The following CDH2 variants were observed in gnomAD, a reference collection of about 807,000 sequenced individuals.
CDH2 encodes cadherin-2.
CDH2 carries 17 observed loss-of-function variants against 92.0 expected under a neutral mutation model. The ratio of observed to expected loss-of-function variants is 0.18; its 90% CI spans 0.13 to 0.28. The LOEUF is 0.28. Ranked by LOEUF, CDH2 falls within the 10% of genes least tolerant of loss-of-function variation. The pLI, the probability that CDH2 is intolerant of heterozygous loss-of-function variation, is 1.00. For synonymous variants in CDH2, 419 were observed against 415.9 expected, an observed-to-expected ratio of 1.01 and a Z score of -0.09; for missense variants, 862 against 1,133.1, an observed-to-expected ratio of 0.76 and a Z score of 3.44.
Position 27,951,161 on chromosome 18 carries a change from CTTT to C in CDH2, c.*989_*991del, listed in dbSNP as rs17497862. ...TCAGGCCACCCCTTTCTTTCCTTTC[CTTT>C]TTTTTTTTTTTTGGTACAAATTATG... On this transcript the variant is annotated 3_prime_UTR_variant, in exon 16 of 16. Coordinates refer to ENST00000269141, the MANE Select transcript of CDH2 (RefSeq NM_001792.5). The C allele has an allele frequency of 2.9e-4, 37 of 128,342 alleles. No individual in the cohort carries two copies. The highest frequency in any genetic ancestry group is 4.8e-4 in the Non-Finnish European group (29 of 59,998). The allele number at this position is 128,342 out of a possible 1,614,324, so 8.0% of individuals were successfully genotyped here.
intron 2 of CDH2, among the ~76,000 whole-genome samples, chr18:28,025,159 G>A (rs992603398): frequency 6.6e-6 from 1 of 152,090 alleles, no homozygotes; most frequent in Non-Finnish European, 1.5e-5. Context: ...GAGATGATCT[G>A]GGGAAGTGTT....
At chr18:27,950,392 T>A (rs1206794812), downstream of CDH2, among the ~76,000 whole-genome samples, 1 of 152,142 alleles carries the variant, frequency 6.6e-6, no homozygotes, top group African/African-American at 2.4e-5. Flanking sequence ...TTACAAAATT[T>A]AGCAAGACTG....
chr18:28,043,477 T>C (rs1051935100), intron 2 of CDH2, among the ~76,000 whole-genome samples: 134 of 85,578 alleles, frequency 1.6e-3, no homozygotes, highest in African/African-American at 5.8e-3. Context: ...TATATATATA[T>C]ATATATATAT....
intron 2 of CDH2, among the ~76,000 whole-genome samples, chr18:28,071,836 C>T (rs2014623552): frequency 1.3e-5 from 2 of 152,084 alleles, no homozygotes; most frequent in African/African-American, 4.8e-5. Context: ...AGGGATTACA[C>T]TATTAACCCT....
chr18:27,992,589 T>C (rs1161008400), intron 9 of CDH2, 66 bp downstream of exon 9: 7 of 1,303,992 alleles, frequency 5.4e-6, no homozygotes, highest in Non-Finnish European at 7.5e-6. Context: ...AAACAATGAG[T>C]GGGGGACATA....
intron 2 of CDH2, among the ~76,000 whole-genome samples, chr18:28,124,634 A>C (rs2015647082): frequency 1.3e-5 from 2 of 152,208 alleles, no homozygotes; most frequent in African/African-American, 2.4e-5. Context: ...TTGGTATTTA[A>C]AAGAGAAGAA....
At chr18:28,022,023 A>G (rs2013423054) in intron 2 of CDH2, among the ~76,000 whole-genome samples, 1 of 151,594 alleles carries the variant, frequency 6.6e-6, no homozygotes, top group African/African-American at 2.4e-5. Context: ...AGGAGGGAGG[A>G]AGGTAGGGAG....
rs546073930 is a variant in CDH2, at chr18:28,122,130, T to A, written c.172+25543A>T. Among the ~76,000 whole-genome samples, 52 of 152,220 alleles carry A rather than the reference T, an allele frequency of 3.4e-4. 2 individuals carry two copies. In the South Asian group the frequency reaches 0.011, roughly 31 times the overall value. ...TTCCTGGTACCATATGCCCAAAAAA[T>A]GTCAAGCAAAACATCTCAATTGGCT... On this transcript the variant is annotated intron_variant, in intron 2 of 15. Coordinates refer to ENST00000269141, the MANE Select transcript of CDH2 (RefSeq NM_001792.5).
In CDH2 at chr18:27,985,229, A is replaced by G; in HGVS notation, c.1980T>C (p.Asp660=). The G allele has an allele frequency of 6.4e-7, 1 of 1,572,430 alleles. No homozygotes were observed. The highest frequency in any genetic ancestry group is 8.8e-7 in the Non-Finnish European group (1 of 1,142,566). The change falls in exon 13 of 16, where the codon GAT becomes GAC. Residue 660 remains aspartate (D), a synonymous_variant. Coordinates refer to ENST00000269141, the MANE Select transcript of CDH2 (RefSeq NM_001792.5). ...TTATCTTTAAATTAAGCTGAGCAAA[A>G]TCACCTATATGAAAAAGGAAAAACA... ...RNWTITRLNG[D]FAQLNLKIKF...
chr18:28,134,225 G>A (rs1218567896), intron 2 of CDH2, among the ~76,000 whole-genome samples: 4 of 151,336 alleles, frequency 2.6e-5, no homozygotes, highest in Non-Finnish European at 5.9e-5. Context: ...AGCCAAGACT[G>A]TGCCACTGCA....
At chr18:28,131,181 T>A (rs2015763346) in intron 2 of CDH2, among the ~76,000 whole-genome samples, 1 of 152,152 alleles carries the variant, frequency 6.6e-6, no homozygotes, top group African/African-American at 2.4e-5. Context: ...TATAATTCCC[T>A]TAGAAGTTTC....
intron 2 of CDH2, among the ~76,000 whole-genome samples, chr18:28,055,894 T>C (rs1385334107): frequency 6.6e-6 from 1 of 152,196 alleles, no homozygotes; most frequent in Non-Finnish European, 1.5e-5. Flanking sequence ...TGTTACTATA[T>C]GACAGAAAGT....
chr18:28,006,760 G>A (rs1380807939), intron 5 of CDH2, among the ~76,000 whole-genome samples: 1 of 150,132 alleles, frequency 6.7e-6, no homozygotes, highest in African/African-American at 2.4e-5. Flanking sequence ...GCACAAAGTA[G>A]TGATAGAGAT....
chr18:28,091,345 A>G (rs2015034276), intron 2 of CDH2, among the ~76,000 whole-genome samples: 1 of 152,154 alleles, frequency 6.6e-6, no homozygotes, highest in East Asian at 1.9e-4. Context: ...TGACACTTAA[A>G]TACCTTTCAC....
intron 2 of CDH2, among the ~76,000 whole-genome samples, chr18:28,057,572 C>G (rs1008596383): frequency 6.6e-5 from 10 of 151,592 alleles, no homozygotes; most frequent in African/African-American, 2.4e-4. Context: ...GTAGTCGAGG[C>G]AGGAGAATTG....
chr18:27,935,649 C>A (rs1465720398), intron 6 of CDH2, among the ~76,000 whole-genome samples: 1 of 151,220 alleles, frequency 6.6e-6, no homozygotes, highest in African/African-American at 2.4e-5. Context: ...TAGTGTCTGG[C>A]CACATGACTT....
At position 28,013,958 on chromosome 18, in the gene CDH2, C is replaced by CA. The variant is rs201355003; in HGVS notation, c.173-50dup. ...AGTTATTATAATTATACCAAAAAGGCAAAAAAAAACCCCTAATACTTAAAC... is the reference window on the plus strand; with the variant it reads ...AGTTATTATAATTATACCAAAAAGGCAAAAAAAAAACCCCTAATACTTAAAC... On this transcript the variant is annotated intron_variant, in intron 2 of 15. Coordinates refer to ENST00000269141, the MANE Select transcript of CDH2 (RefSeq NM_001792.5). 5,493 of 1,301,422 alleles carry CA rather than the reference C, an allele frequency of 4.2e-3. 210 individuals carry two copies. The East Asian group carries it at 0.097, about 23-fold the overall frequency. 80.6% of individuals were successfully genotyped at this position (1,301,422 alleles called of 1,614,324 possible).
chr18:28,031,631 A>G (rs1405631047), intron 2 of CDH2, among the ~76,000 whole-genome samples: 1 of 152,066 alleles, frequency 6.6e-6, no homozygotes, highest in Non-Finnish European at 1.5e-5. Context: ...GTCCTGCTTC[A>G]GGGCCTTGTT....
At chr18:27,997,892 T>C (rs17493548) in intron 7 of CDH2, among the ~76,000 whole-genome samples, 87 of 152,134 alleles carry the variant, frequency 5.7e-4, no homozygotes, top group South Asian at 4.2e-3. Context: ...CTGCAAGCTC[T>C]GCCTCCCGGG....
Sources: allele counts gnomAD v4.1 joint callset (sites outside exome capture counted in the v4.1 genomes callset), GRCh38; gene constraint gnomAD v4.1.1; transcripts MANE v1.5; gene names NCBI Gene and HGNC (gene_info 2026-07-23, HGNC 2026-07-21).